LYPD6B: variants seen among roughly 807,000 people sequenced by gnomAD.
LYPD6B encodes ly6/PLAUR domain-containing protein 6B.
A neutral mutation model predicts 22.8 loss-of-function variants in LYPD6B; 17 were observed. The ratio of observed to expected loss-of-function variants is 0.75; its 90% CI spans 0.51 to 1.12. The LOEUF (loss-of-function observed/expected upper bound fraction) is 1.12, where lower values mean the gene tolerates loss of function less well. Among genes scored for constraint, LYPD6B ranks in the 50% most tolerant of loss-of-function variants. The pLI, the probability that LYPD6B is intolerant of heterozygous loss-of-function variation, is 0.00. For synonymous variants in LYPD6B, 106 were observed against 91.6 expected, an observed-to-expected ratio of 1.16 and a Z score of -0.90; for missense variants, 221 against 258.3, an observed-to-expected ratio of 0.86 and a Z score of 0.99.
intron 1 of LYPD6B, among the ~76,000 whole-genome samples, chr2:149,063,803 G>A (rs1684201818): frequency 6.6e-6 from 1 of 152,082 alleles, no homozygotes; most frequent in Non-Finnish European, 1.5e-5. Context: ...GTTTGCACAG[G>A]AACAACAATT....
intron 1 of LYPD6B, among the ~76,000 whole-genome samples, chr2:149,092,817 G>A (rs1176105209): frequency 1.3e-5 from 2 of 152,148 alleles, no homozygotes; most frequent in African/African-American, 4.8e-5. Context: ...ACAGTAACCT[G>A]GGTTCCTCCT....
intron 3 of LYPD6B, among the ~76,000 whole-genome samples, chr2:149,165,832 C>G (rs556327447): frequency 2.0e-5 from 3 of 152,168 alleles, no homozygotes; most frequent in South Asian, 2.1e-4. Context: ...GCAGAGTTCT[C>G]TCTTGGACTG....
At chr2:149,051,660 ATATTAT>A (rs970737110) in intron 1 of LYPD6B, among the ~76,000 whole-genome samples, 1 of 151,420 alleles carries the variant, frequency 6.6e-6, no homozygotes. Context: ...AAAGGGCTAT[ATATTAT>A]TATTATTATT....
At chr2:149,204,844 G>T in intron 3 of LYPD6B, 1 of 160,332 alleles carries the variant, frequency 6.2e-6, no homozygotes, top group Middle Eastern at 3.1e-3. Flanking sequence ...CTCAAGGAAT[G>T]GAACTGACAG....
At chr2:149,151,416 A>G (rs1689367003) in intron 2 of LYPD6B, among the ~76,000 whole-genome samples, 1 of 152,132 alleles carries the variant, frequency 6.6e-6, no homozygotes, top group Non-Finnish European at 1.5e-5. Flanking sequence ...ATTTTGCCTG[A>G]TGCTTTCAAG....
chr2:149,192,997 C>G (rs937408967), intron 3 of LYPD6B, among the ~76,000 whole-genome samples: 18 of 152,138 alleles, frequency 1.2e-4, no homozygotes, highest in African/African-American at 4.1e-4. Context: ...TGATTATTAC[C>G]CACAGCAGAA....
intron 2 of LYPD6B, chr2:149,160,513 A>C (rs1473505938): frequency 1.7e-6 from 1 of 600,734 alleles, no homozygotes; most frequent in Non-Finnish European, 3.1e-6. Flanking sequence ...ACCATTCTTA[A>C]TTAGATGGGG....
chr2:149,204,450 C>G (rs1693375676), intron 3 of LYPD6B: 1 of 154,400 alleles, frequency 6.5e-6, no homozygotes. Context: ...CTTAAGATGT[C>G]ATATCTTTTA....
intron 3 of LYPD6B, among the ~76,000 whole-genome samples, chr2:149,189,911 T>C (rs570920821): frequency 6.6e-6 from 1 of 152,200 alleles, no homozygotes; most frequent in Non-Finnish European, 1.5e-5. Context: ...TTCAAGTCAT[T>C]GGTCCATTAG....
At chr2:149,067,787 G>T (rs1324982477) in intron 1 of LYPD6B, among the ~76,000 whole-genome samples, 1 of 152,002 alleles carries the variant, frequency 6.6e-6, no homozygotes, top group Non-Finnish European at 1.5e-5. Flanking sequence ...TCCAAATGGA[G>T]AATTTATTAT....
intron 2 of LYPD6B, among the ~76,000 whole-genome samples, chr2:149,159,604 G>A (rs1234591909): frequency 2.0e-5 from 3 of 151,176 alleles, no homozygotes; most frequent in African/African-American, 7.3e-5. Context: ...GTGTGTGTGT[G>A]TGTGTGTGTG....
At chr2:149,178,112 A>G (rs1233328259) in intron 3 of LYPD6B, among the ~76,000 whole-genome samples, 2 of 152,122 alleles carry the variant, frequency 1.3e-5, no homozygotes, top group East Asian at 1.9e-4. Flanking sequence ...TCTCAGAAAA[A>G]TATCCTTGAC....
chr2:149,140,501 C>T (rs928006099), intron 2 of LYPD6B, among the ~76,000 whole-genome samples: 1 of 152,148 alleles, frequency 6.6e-6, no homozygotes, highest in Non-Finnish European at 1.5e-5. Flanking sequence ...CAGGGGTGCC[C>T]GTTCAGCATG....
At chr2:149,063,892 T>C in intron 1 of LYPD6B, among the ~76,000 whole-genome samples, 1 of 152,200 alleles carries the variant, frequency 6.6e-6, no homozygotes, top group African/African-American at 2.4e-5. Flanking sequence ...AAAACTTCTA[T>C]ATAAAAGACT....
chr2:149,073,998 T>C (rs1346198953), intron 1 of LYPD6B, among the ~76,000 whole-genome samples: 5 of 152,096 alleles, frequency 3.3e-5, no homozygotes, highest in African/African-American at 1.2e-4. Flanking sequence ...TTATGGAGAC[T>C]CAATAGAAAA....
intron 1 of LYPD6B, among the ~76,000 whole-genome samples, chr2:149,111,066 A>C (rs1359272211): frequency 6.6e-6 from 1 of 152,142 alleles, no homozygotes; most frequent in Non-Finnish European, 1.5e-5. Context: ...TGGTCTTAGC[A>C]TTTGTGAGGA....
chr2:149,155,477 T>G (rs1034817460), intron 2 of LYPD6B, among the ~76,000 whole-genome samples: 1 of 152,200 alleles, frequency 6.6e-6, no homozygotes, highest in Non-Finnish European at 1.5e-5. Flanking sequence ...AGGGCCTTGT[T>G]TGCTGCCCCA....
chr2:149,193,757 T>C (rs1692638606), intron 3 of LYPD6B, among the ~76,000 whole-genome samples: 1 of 152,118 alleles, frequency 6.6e-6, no homozygotes, highest in Non-Finnish European at 1.5e-5. Flanking sequence ...TTTCTTGAAA[T>C]ACTAGATCTT....
Position 149,133,063 on chromosome 2 carries a change from T to C in LYPD6B, c.5+2110T>C, listed in dbSNP as rs368560118. On this transcript the variant is annotated intron_variant, in intron 2 of 6. Transcript: ENST00000409642. ...CTCTCATTTCTATGTGCATCTGGGT[T>C]GCTTCCTCTTTAGCCAGACTTAAGA... is the stretch of plus-strand genomic sequence containing the variant. Among the ~76,000 whole-genome samples the C allele has an allele frequency of 3.5e-4, 53 of 152,302 alleles. No individual in the cohort carries two copies. The South Asian group carries it at 4.1e-3, about 12-fold the overall frequency.
Sources: allele counts gnomAD v4.1 joint callset (sites outside exome capture counted in the v4.1 genomes callset), GRCh38; gene constraint gnomAD v4.1.1; transcripts MANE v1.5; gene names NCBI Gene and HGNC (gene_info 2026-07-23, HGNC 2026-07-21).